The following STOML3 variants were observed in gnomAD, a reference collection of about 807,000 sequenced individuals.
The protein encoded by STOML3 is stomatin-like protein 3.
In STOML3, 31 loss-of-function variants were observed where a neutral mutation model predicts 29.5. The observed-to-expected ratio is 1.05, with a 90% CI of 0.79 to 1.42. The LOEUF (loss-of-function observed/expected upper bound fraction) is 1.42. Ranked by LOEUF, STOML3 falls within the 40% of genes most tolerant of loss-of-function variation. STOML3 has a pLI of 0.00. For missense variants in STOML3, 380 were observed against 363.0 expected (o/e 1.05, Z -0.38); for synonymous variants, 122 against 139.8 (o/e 0.87, Z 0.90).
intron 3 of STOML3, among the ~76,000 whole-genome samples, chr13:38,975,478 G>T (rs1881040577): frequency 6.6e-6 from 1 of 152,160 alleles, no homozygotes. Flanking sequence ...GCTCAGGAAA[G>T]TTCCTACCCC....
chr13:38,968,674 T>G (rs368992689), intron 5 of STOML3, 140 bp from the exon 6 acceptor site: 2 of 992,024 alleles, frequency 2.0e-6, no homozygotes, highest in East Asian at 2.6e-5. Flanking sequence ...GTGAGACAAT[T>G]TAGGAAGAGA....
intron 1 of STOML3, chr13:38,980,184 C>T (rs1273220616): frequency 5.9e-6 from 9 of 1,519,150 alleles, no homozygotes; most frequent in Non-Finnish European, 7.1e-6. Context: ...AAGATTTACA[C>T]TGGAGCATTA....
intron 4 of STOML3, among the ~76,000 whole-genome samples, chr13:38,970,847 A>C (rs1244495036): frequency 6.6e-6 from 1 of 152,176 alleles, no homozygotes; most frequent in African/African-American, 2.4e-5. Context: ...GTAAAGAAAA[A>C]TCGATTTCGC....
Position 38,966,899 on chromosome 13 carries a change from G to C in STOML3, c.802C>G (p.Leu268Val), listed in dbSNP as rs1404675536. The C allele has an allele frequency of 6.2e-7, 1 of 1,614,032 alleles. No homozygotes were observed. Among genetic ancestry groups the C allele is most frequent in the Admixed American group, 1.7e-5 (1 of 60,010 alleles). Residue 268 changes from leucine to valine, a missense_variant, in exon 7 of 7, where the codon CTG becomes GTG. Physicochemically the swap from Leu to Val is conservative, Grantham distance 32. Transcript: ENST00000379631. The stretch of plus-strand genomic sequence containing the variant: ...ATGCCCTCTAGTATATTCATGGGCA[G>C]AGGAAACACAATCGTAGAATTCTTC... ...TEKNSTIVFP[L>V]PMNILEGIGG...
At chr13:38,983,816 C>T (rs1881348475) in intron 1 of STOML3, among the ~76,000 whole-genome samples, 1 of 152,162 alleles carries the variant, frequency 6.6e-6, no homozygotes, top group Non-Finnish European at 1.5e-5. Context: ...AACACATTAT[C>T]TACTGTATGT....
intron 1 of STOML3, among the ~76,000 whole-genome samples, chr13:38,981,964 G>C (rs1881280770): frequency 6.6e-6 from 1 of 152,098 alleles, no homozygotes; most frequent in African/African-American, 2.4e-5. Flanking sequence ...GTTCAACAAT[G>C]TTCATTGCCA....
intron 6 of STOML3, 65 bp from the exon 7 acceptor site, chr13:38,967,114 T>C (rs1593495410): frequency 2.7e-6 from 4 of 1,465,158 alleles, no homozygotes; most frequent in African/African-American, 1.4e-5. Flanking sequence ...TCTTTCTTTT[T>C]CTGGGTCTGT....
intron 1 of STOML3, among the ~76,000 whole-genome samples, chr13:38,985,089 T>C (rs1868456611): frequency 1.3e-5 from 2 of 152,144 alleles, no homozygotes; most frequent in African/African-American, 2.4e-5. Flanking sequence ...TTTTTCTCCA[T>C]ACATTCCGCC....
chr13:38,975,934 C>T (rs144292031), intron 3 of STOML3, among the ~76,000 whole-genome samples: 3 of 152,098 alleles, frequency 2.0e-5, no homozygotes, highest in African/African-American at 7.2e-5. Context: ...TGTTAGAAGG[C>T]CTGAAAACTC....
At chr13:38,982,469 C>T (rs924689798) in intron 1 of STOML3, among the ~76,000 whole-genome samples, 1 of 152,014 alleles carries the variant, frequency 6.6e-6, no homozygotes, top group African/African-American at 2.4e-5. Flanking sequence ...GGGAGCTAAC[C>T]TTTGGAATAT....
At chr13:38,984,342 C>G (rs766483073) in intron 1 of STOML3, among the ~76,000 whole-genome samples, 2 of 152,130 alleles carry the variant, frequency 1.3e-5, no homozygotes, top group Non-Finnish European at 2.9e-5. Context: ...CCTCAGCAGG[C>G]CTCAGCTCAA....
intron 1 of STOML3, among the ~76,000 whole-genome samples, chr13:38,984,391 C>T (rs1448667145): frequency 6.6e-6 from 1 of 152,144 alleles, no homozygotes; most frequent in East Asian, 1.9e-4. Flanking sequence ...TCTCTGTCAC[C>T]CTCACCTTTG....
chr13:38,970,322 C>G lies in STOML3; in HGVS notation c.379G>C (p.Val127Leu). 1 of 1,614,148 alleles carries G rather than the reference C, an allele frequency of 6.2e-7. No homozygotes were observed. The highest frequency in any genetic ancestry group is 1.1e-5 in the South Asian group (1 of 91,082). ...GVVYYRIYSA[V>L]SAVANVNDVH... ...TCGTTGACATTAGCCACTGCTGAGA[C>G]AGCACTATAGATTCTGTAATAGACA... Residue 127 changes from valine to leucine, a missense_variant, in exon 5 of 7, where the codon GTC (valine) becomes CTC (leucine). Physicochemically the swap from Val to Leu is conservative, Grantham distance 32. Transcript: ENST00000379631.
At chr13:38,989,023 GAT>G (rs1180483642) in intron 1 of STOML3, among the ~76,000 whole-genome samples, 2 of 144,836 alleles carry the variant, frequency 1.4e-5, no homozygotes, top group Admixed American at 7.1e-5. Context: ...TATTATATAA[GAT>G]ATATGTTATA....
Position 38,982,841 on chromosome 13 carries a change from C to T in STOML3, c.53-6044G>A, listed in dbSNP as rs374072006. Among the ~76,000 whole-genome samples, 188 of 152,264 alleles carry T rather than the reference C, an allele frequency of 1.2e-3. 3 individuals are homozygous for T. In the South Asian group the frequency reaches 0.022, roughly 18 times the overall value. Reference sequence around the variant, plus strand: ...TCACCATAGCAATGTAAATGGATAGCTTATCTTTACAATTGCATCACCCCT... The same window carrying T: ...TCACCATAGCAATGTAAATGGATAGTTTATCTTTACAATTGCATCACCCCT... On this transcript the variant is annotated intron_variant, in intron 1 of 6. Coordinates refer to ENST00000379631, the MANE Select transcript of STOML3 (RefSeq NM_145286.3).
chr13:38,968,311 G>A, intron 6 of STOML3, 89 bp downstream of exon 6: 2 of 1,514,106 alleles, frequency 1.3e-6, no homozygotes, highest in Non-Finnish European at 1.8e-6. Context: ...GCAAATAATT[G>A]ACAGACCCAA....
In STOML3 at chr13:38,970,559, C is replaced by T. The variant is rs186790465; in HGVS notation, c.313-171G>A. ...GGATAGAATATCTTCCCAGCTGATA[C>T]GCAATTCCTCTAAAGATGTCATCAT... On this transcript the variant is annotated intron_variant, in intron 4 of 6. Coordinates refer to ENST00000379631, the MANE Select transcript of STOML3 (RefSeq NM_145286.3). Among the ~76,000 whole-genome samples the T allele has an allele frequency of 1.3e-4, 20 of 152,278 alleles. No individual in the cohort carries two copies. In the East Asian group the frequency reaches 3.1e-3, roughly 24 times the overall value.
At position 38,988,338 on chromosome 13, in the gene STOML3, A is replaced by G. The variant is rs1352024162; in HGVS notation, c.52+2332T>C. ...TAATATATTATATTTTATATATAAT[A>G]TATTATATTTTATATCATATATTTT... On this transcript the variant is annotated intron_variant, in intron 1 of 6. Coordinates refer to ENST00000379631, the MANE Select transcript of STOML3 (RefSeq NM_145286.3). Among the ~76,000 whole-genome samples the G allele has an allele frequency of 2.9e-4, 24 of 82,334 alleles. 4 individuals carry two copies. The highest frequency in any genetic ancestry group is 1.8e-3 in the African/African-American group (24 of 13,172). 54.0% of individuals were successfully genotyped at this position (82,334 alleles called of 152,430 possible).
At chr13:38,987,228 A>C (rs1868615447) in intron 1 of STOML3, among the ~76,000 whole-genome samples, 1 of 152,126 alleles carries the variant, frequency 6.6e-6, no homozygotes, top group African/African-American at 2.4e-5. Flanking sequence ...AGTGGCTTTC[A>C]AAAGCTGGTC....
Sources: gnomAD v4.1 joint callset for allele counts (sites outside exome capture counted in the v4.1 genomes callset) on GRCh38, gnomAD v4.1.1 for gene constraint, MANE v1.5 for transcripts, NCBI Gene and HGNC (gene_info 2026-07-23, HGNC 2026-07-21) for gene names.